SLIT3: variants seen among roughly 807,000 people sequenced by gnomAD.
SLIT3 encodes the protein slit guidance ligand 3, also known as slit homolog 3 protein.
SLIT3 carries 68 observed loss-of-function variants against 184.0 expected under a neutral mutation model. The observed-to-expected ratio is 0.37, with a 90% CI of 0.30 to 0.45. The LOEUF (loss-of-function observed/expected upper bound fraction) is 0.45. Among genes scored for constraint, SLIT3 ranks in the 20% least tolerant of loss-of-function variants. The pLI is 1.00. For synonymous variants in SLIT3, 831 were observed against 828.6 expected, an observed-to-expected ratio of 1.00 and a Z score of -0.05; for missense variants, 1,707 against 2,026.0, an observed-to-expected ratio of 0.84 and a Z score of 3.02.
intron 3 of SLIT3, among the ~76,000 whole-genome samples, chr5:169,194,139 G>C (rs1229157434): frequency 6.7e-6 from 1 of 148,508 alleles, no homozygotes; most frequent in Non-Finnish European, 1.5e-5. Context: ...GGAGGCTGAG[G>C]CAGGAGAATC....
intron 4 of SLIT3, among the ~76,000 whole-genome samples, chr5:169,116,719 G>A: frequency 6.6e-6 from 1 of 152,192 alleles, no homozygotes; most frequent in Non-Finnish European, 1.5e-5. Flanking sequence ...TGAGGTCTGA[G>A]GGAGAAACAG....
intron 4 of SLIT3, among the ~76,000 whole-genome samples, chr5:168,997,238 A>G (rs1440404196): frequency 6.6e-6 from 1 of 152,158 alleles, no homozygotes; most frequent in East Asian, 1.9e-4. Flanking sequence ...AGCTGGGCTC[A>G]GAGGCTCCCT....
chr5:169,234,570 AT>A (rs572498020), intron 3 of SLIT3, among the ~76,000 whole-genome samples: 6 of 150,432 alleles, frequency 4.0e-5, no homozygotes, highest in Non-Finnish European at 4.4e-5. Flanking sequence ...CACCTGGCTA[AT>A]TTTTTTTTTA....
At chr5:168,932,565 G>C (rs779293032) in intron 4 of SLIT3, among the ~76,000 whole-genome samples, 1 of 152,144 alleles carries the variant, frequency 6.6e-6, no homozygotes, top group Non-Finnish European at 1.5e-5. Context: ...CGTATGTAAA[G>C]GTAGATAGTA....
chr5:168,860,878 T>C (rs55942286), intron 5 of SLIT3, among the ~76,000 whole-genome samples: 9,986 of 152,270 alleles, frequency 0.066, 746 homozygotes, highest in African/African-American at 0.19. Flanking sequence ...CTCCTGTTTC[T>C]GCCCGACTCT....
chr5:168,879,622 T>C (rs1759876771), intron 5 of SLIT3, among the ~76,000 whole-genome samples: 1 of 152,140 alleles, frequency 6.6e-6, no homozygotes, highest in Non-Finnish European at 1.5e-5. Flanking sequence ...TCCCTCTTAT[T>C]AAAACCAAGG....
intron 4 of SLIT3, among the ~76,000 whole-genome samples, chr5:169,094,366 C>G (rs548447349): frequency 2.6e-5 from 4 of 152,208 alleles, no homozygotes; most frequent in Non-Finnish European, 5.9e-5. Context: ...TGTTGGCTCA[C>G]GCCTGTAATC....
intron 3 of SLIT3, among the ~76,000 whole-genome samples, chr5:169,241,707 C>G (rs912788849): frequency 8.9e-6 from 1 of 112,812 alleles, no homozygotes; most frequent in Non-Finnish European, 2.1e-5. Flanking sequence ...CCTCAACAGT[C>G]ATGGTTTTGG....
Position 168,973,580 on chromosome 5 carries a change from A to G in SLIT3, c.414-90244T>C, listed in dbSNP as rs1247300883. Among the ~76,000 whole-genome samples, 3 of 152,256 alleles carry G rather than the reference A, an allele frequency of 2.0e-5. No individual in the cohort carries two copies. In the East Asian group the frequency reaches 5.8e-4, roughly 29 times the overall value. On this transcript the variant is annotated intron_variant, in intron 4 of 35. Transcript: ENST00000519560. ...AAATTTTAAACTGCCTTATTGAGAT[A>G]AAATTTACACGGCTTGTAATTCATC...
chr5:168,932,391 C>T (rs1762018238), intron 4 of SLIT3, among the ~76,000 whole-genome samples: 2 of 130,830 alleles, frequency 1.5e-5, no homozygotes, highest in Middle Eastern at 4.2e-3. Flanking sequence ...CACACACACA[C>T]TACACACACC....
At chr5:169,079,959 G>A (rs1758954423) in intron 4 of SLIT3, among the ~76,000 whole-genome samples, 2 of 149,784 alleles carry the variant, frequency 1.3e-5, no homozygotes, top group South Asian at 4.2e-4. Flanking sequence ...GGAGAAGGAA[G>A]AAGAGGAGGA....
intron 5 of SLIT3, among the ~76,000 whole-genome samples, chr5:168,854,251 G>A (rs1758777091): frequency 6.6e-6 from 1 of 151,444 alleles, no homozygotes; most frequent in Admixed American, 6.6e-5. Flanking sequence ...CTGGGAAGAG[G>A]ATGGGGAGGA....
rs960743987 is a variant in SLIT3 at position 169,249,943 on chromosome 5, C to T, written c.269+1445G>A. 4.7e-4 allele frequency among the ~76,000 whole-genome samples: 71 copies of T among 152,232 alleles called. 2 individuals carry two copies. Among genetic ancestry groups the T allele is most frequent in the Admixed American group, 2.6e-4 (4 of 15,280 alleles). ...CCCAGGATTCAGATTCCCCATGTCC[C>T]CACACATGTGTACATAACAGAAACT... is the stretch of plus-strand genomic sequence containing the variant. On this transcript the variant is annotated intron_variant, in intron 2 of 35. Transcript: ENST00000519560.
At chr5:168,778,454 A>G (rs1755840201) in intron 12 of SLIT3, among the ~76,000 whole-genome samples, 1 of 152,160 alleles carries the variant, frequency 6.6e-6, no homozygotes, top group African/African-American at 2.4e-5. Flanking sequence ...CTTCAGATGG[A>G]CAAAGGTCTG....
intron 4 of SLIT3, among the ~76,000 whole-genome samples, chr5:169,004,581 G>A (rs931229004): frequency 6.6e-6 from 1 of 152,132 alleles, no homozygotes; most frequent in Admixed American, 6.5e-5. Context: ...TTCTGCCTCT[G>A]CGTCTCCCTA....
chr5:169,224,151 T>A (rs1764713315), intron 3 of SLIT3, among the ~76,000 whole-genome samples: 1 of 152,102 alleles, frequency 6.6e-6, no homozygotes, highest in South Asian at 2.1e-4. Context: ...ACTGGGTCCT[T>A]TTTTTAACTG....
At position 168,772,853 on chromosome 5, in the gene SLIT3, G is replaced by A. The variant is rs375040794; in HGVS notation, c.1387C>T (p.Arg463Cys). ...QDNPIETSGA[R>C]CSSPRRLANK... is the part of the protein sequence containing the mutation. ...GCGAGTCGGCGCGGGCTGCTGCAGC[G>A]GGCCCCGCTTGTCTCGATGGGGTTG... Residue 463 changes from arginine (R) to cysteine (C), a missense_variant, in exon 14 of 36, where the codon CGC becomes TGC. Coordinates refer to ENST00000519560, the MANE Select transcript of SLIT3 (RefSeq NM_003062.4). 1.1e-4 allele frequency: 181 copies of A among 1,614,024 alleles called. No homozygotes were observed. Among genetic ancestry groups the A allele is most frequent in the Non-Finnish European group, 1.4e-4 (170 of 1,180,036 alleles).
intron 4 of SLIT3, among the ~76,000 whole-genome samples, chr5:169,136,176 CCAGAT>C (rs1199375319): frequency 3.3e-5 from 5 of 152,238 alleles, no homozygotes; most frequent in Admixed American, 3.3e-4. Flanking sequence ...AATCGCCTCT[CCAGAT>C]CAGGCCTCAG....
At chr5:168,948,174 C>T (rs983265881) in intron 4 of SLIT3, among the ~76,000 whole-genome samples, 2 of 152,172 alleles carry the variant, frequency 1.3e-5, no homozygotes, top group Non-Finnish European at 2.9e-5. Flanking sequence ...CCCTTCTCTG[C>T]CGGACCTGAC....
Sources: allele counts gnomAD v4.1 joint callset (sites outside exome capture counted in the v4.1 genomes callset), GRCh38; gene constraint gnomAD v4.1.1; transcripts MANE v1.5; gene names NCBI Gene and HGNC (gene_info 2026-07-23, HGNC 2026-07-21).